Variants in CLEC16A observed in about 807,000 individuals in gnomAD.
CLEC16A encodes the protein C-type lectin domain containing 16A.
In CLEC16A, 51 loss-of-function variants were observed where a neutral mutation model predicts 109.5. The ratio of observed to expected loss-of-function variants is 0.47; its 90% CI spans 0.37 to 0.59. The LOEUF is 0.59. Among genes scored for constraint, CLEC16A ranks in the 20% least tolerant of loss-of-function variants. The pLI is 0.00. For synonymous variants in CLEC16A, 673 were observed against 564.2 expected, an observed-to-expected ratio of 1.19 and a Z score of -2.73; for missense variants, 1,339 against 1,394.0, an observed-to-expected ratio of 0.96 and a Z score of 0.63.
intron 1 of CLEC16A, among the ~76,000 whole-genome samples, chr16:10,951,908 T>G (rs571927650): frequency 6.6e-6 from 1 of 152,368 alleles, no homozygotes; most frequent in African/African-American, 2.4e-5. Context: ...GCTACTGTGC[T>G]TGTCCTTTCA....
At chr16:11,076,877 A>G (rs1279620927) in intron 19 of CLEC16A, among the ~76,000 whole-genome samples, 1 of 152,184 alleles carries the variant, frequency 6.6e-6, no homozygotes, top group African/African-American at 2.4e-5. Flanking sequence ...GAGATCAGGA[A>G]TCGAAGAATG....
chr16:10,972,899 G>T, intron 6 of CLEC16A, 39 bp from the exon 7 acceptor site: 7 of 1,523,108 alleles, frequency 4.6e-6, no homozygotes, highest in Admixed American at 2.2e-5. Context: ...AGTTATTTTT[G>T]GTAGCTTGAC....
At chr16:11,176,268 G>A (rs574535384) in intron 23 of CLEC16A, among the ~76,000 whole-genome samples, 8 of 152,322 alleles carry the variant, frequency 5.3e-5, no homozygotes, top group South Asian at 2.1e-4. Flanking sequence ...ACCAGAATTC[G>A]CATGTAGTGT....
chr16:11,048,844 A>G (rs1477224368), intron 17 of CLEC16A, among the ~76,000 whole-genome samples: 3 of 151,860 alleles, frequency 2.0e-5, no homozygotes, highest in Non-Finnish European at 2.9e-5. Context: ...CCCCCGAGAC[A>G]TCCCCCTGCA....
intron 19 of CLEC16A, among the ~76,000 whole-genome samples, chr16:11,111,633 A>G (rs963854508): frequency 2.0e-5 from 3 of 152,208 alleles, no homozygotes; most frequent in Admixed American, 6.5e-5. Flanking sequence ...AATCCATTTC[A>G]GTGCCCCTCT....
chr16:11,134,820 G>A (rs1438634030), intron 22 of CLEC16A, among the ~76,000 whole-genome samples: 4 of 152,202 alleles, frequency 2.6e-5, no homozygotes, highest in Non-Finnish European at 4.4e-5. Flanking sequence ...AGATCAGTAG[G>A]ATAGGCCCTC....
intron 19 of CLEC16A, chr16:11,066,349 G>A (rs1168987578): frequency 1.3e-5 from 2 of 152,952 alleles, no homozygotes; most frequent in Non-Finnish European, 2.9e-5. Context: ...CGATGCCAGA[G>A]AGCTCGGTTA....
chr16:11,094,145 A>G (rs1262789222), intron 19 of CLEC16A, among the ~76,000 whole-genome samples: 3 of 152,212 alleles, frequency 2.0e-5, no homozygotes, highest in Non-Finnish European at 4.4e-5. Context: ...CCTTTCCTCC[A>G]GAGTACTTCC....
chr16:11,090,705 T>C (rs1380734729), intron 19 of CLEC16A, among the ~76,000 whole-genome samples: 1 of 152,038 alleles, frequency 6.6e-6, no homozygotes, highest in Admixed American at 6.5e-5. Flanking sequence ...AGTGCAGTGG[T>C]GTGATCTTGG....
In CLEC16A at chr16:10,951,720, T is replaced by C. The variant is rs537467516; in HGVS notation, c.81-6062T>C. Reference sequence around the variant, plus strand: ...AGTTTGAGAAAACACGTTGTCATTCTAACAGTGGTTATCATTGTAAGAGAA... The same window carrying C: ...AGTTTGAGAAAACACGTTGTCATTCCAACAGTGGTTATCATTGTAAGAGAA... On this transcript the variant is annotated intron_variant, in intron 1 of 23. Transcript: ENST00000409790. 2.6e-5 allele frequency among the ~76,000 whole-genome samples: 4 copies of C among 152,386 alleles called. No individual in the cohort carries two copies. The South Asian group carries it at 8.3e-4, about 32-fold the overall frequency.
chr16:11,165,556 T>A (rs900654816), intron 22 of CLEC16A, among the ~76,000 whole-genome samples: 1 of 151,964 alleles, frequency 6.6e-6, no homozygotes, highest in Non-Finnish European at 1.5e-5. Flanking sequence ...TGTTCTGGGG[T>A]GTGATAATAG....
rs141341582 is a variant in CLEC16A, at chr16:11,165,452, G to A, written c.2642-936G>A. 2.0e-3 allele frequency among the ~76,000 whole-genome samples: 309 copies of A among 152,226 alleles called. 2 individuals are homozygous for A. Among genetic ancestry groups the A allele is most frequent in the African/African-American group, 6.9e-3 (288 of 41,540 alleles). The stretch of plus-strand genomic sequence containing the variant: ...GGCTGCAGTGAGCTGAGATCACACC[G>A]CTGCACTCCAGGCTGGGCAACAGAG... On this transcript the variant is annotated intron_variant, in intron 22 of 23. Transcript: ENST00000409790.
chr16:10,973,063 T>G lies in CLEC16A; in HGVS notation c.728+2T>G, dbSNP rs1224788212. 6.2e-7 allele frequency: 1 copy of G among 1,600,268 alleles called. No homozygotes were observed. The highest frequency in any genetic ancestry group is 8.5e-7 in the Non-Finnish European group (1 of 1,173,144). On this transcript the variant is annotated splice_donor_variant, in intron 7 of 23. Coordinates refer to ENST00000409790, the MANE Select transcript of CLEC16A (RefSeq NM_015226.3). LOFTEE classifies it high-confidence loss of function. The stretch of plus-strand genomic sequence containing the variant: ...TGACTGCGTGCAGACTGATGAGGAG[T>G]AAGTGACACCCCCAGGGCCACTCAG...
At chr16:11,127,289 C>T (rs1217431747) in intron 22 of CLEC16A, among the ~76,000 whole-genome samples, 1 of 152,194 alleles carries the variant, frequency 6.6e-6, no homozygotes. Context: ...TTCTCCTTAA[C>T]TGTTACATGG....
intron 22 of CLEC16A, among the ~76,000 whole-genome samples, chr16:11,127,295 C>A (rs999389137): frequency 6.6e-6 from 1 of 152,190 alleles, no homozygotes; most frequent in Admixed American, 6.5e-5. Context: ...TTAACTGTTA[C>A]ATGGTATTTT....
At chr16:11,108,998 T>C (rs946979433) in intron 19 of CLEC16A, among the ~76,000 whole-genome samples, 30 of 150,724 alleles carry the variant, frequency 2.0e-4, no homozygotes, top group African/African-American at 7.3e-4. Flanking sequence ...GTAGTCCCAG[T>C]TACTCGGGAG....
At position 11,039,792 on chromosome 16, in the gene CLEC16A, G is replaced by C; in HGVS notation, c.1576G>C (p.Val526Leu). The C allele has an allele frequency of 1.2e-6, 2 of 1,608,302 alleles. No homozygotes were observed. The highest frequency in any genetic ancestry group is 1.7e-4 in the Middle Eastern group (1 of 6,060). Residue 526 changes from valine to leucine, a missense_variant, in exon 14 of 24, where the codon GTG (valine) becomes CTG (leucine). Around this residue, in one of 3 missense-constraint regions of CLEC16A, gnomAD observed 1,061 missense variants for 1,006.8 expected, o/e 1.05. Coordinates refer to ENST00000409790, the MANE Select transcript of CLEC16A (RefSeq NM_015226.3). ...PEKLERIQLP[V>L]PNAAEKTTYN... ...AAAATTAGAGCGAATCCAGCTCCCC[G>C]TGCCAAATGCGGCCGAGAAGACCAC... is the stretch of plus-strand genomic sequence containing the variant.
At chr16:10,953,691 G>T (rs561225574) in intron 1 of CLEC16A, among the ~76,000 whole-genome samples, 17 of 152,282 alleles carry the variant, frequency 1.1e-4, no homozygotes, top group African/African-American at 3.8e-4. Context: ...TTTAAAAATG[G>T]GCAGGCTAGG....
intron 19 of CLEC16A, among the ~76,000 whole-genome samples, chr16:11,115,562 G>A (rs1265274627): frequency 6.6e-6 from 1 of 152,128 alleles, no homozygotes; most frequent in African/African-American, 2.4e-5. Context: ...TAGTAGAGGT[G>A]AGGTTTTGCC....
Sources: allele counts gnomAD v4.1 joint callset (sites outside exome capture counted in the v4.1 genomes callset), GRCh38; gene constraint gnomAD v4.1.1; regional missense constraint gnomAD v4.1.1; transcripts MANE v1.5; gene names NCBI Gene and HGNC (gene_info 2026-07-23, HGNC 2026-07-21).